Variants in CDH13 observed in about 807,000 individuals in gnomAD.
CDH13 encodes the protein cadherin-13.
Under a neutral mutation model 63.8 loss-of-function variants are expected in CDH13, and 24 were observed. The ratio of observed to expected loss-of-function variants is 0.38; its 90% CI spans 0.27 to 0.53. The LOEUF (loss-of-function observed/expected upper bound fraction) is 0.53. Among genes scored for constraint, CDH13 ranks in the 20% least tolerant of loss-of-function variants. The pLI is 0.85. For synonymous variants in CDH13, 503 were observed against 355.3 expected, an observed-to-expected ratio of 1.42 and a Z score of -4.67; for missense variants, 1,049 against 903.1, an observed-to-expected ratio of 1.16 and a Z score of -2.07.
chr16:83,582,154 T>C (rs1172782678), intron 7 of CDH13, among the ~76,000 whole-genome samples: 1 of 152,140 alleles, frequency 6.6e-6, no homozygotes, highest in Non-Finnish European at 1.5e-5. Context: ...GGTCCCAGGA[T>C]CCTTGGCTCT....
chr16:83,498,383 A>C (rs1351518669), intron 7 of CDH13, among the ~76,000 whole-genome samples: 5 of 152,226 alleles, frequency 3.3e-5, no homozygotes, highest in Non-Finnish European at 1.5e-5. Flanking sequence ...CCACCTGGAA[A>C]CAAAAAGACA....
At chr16:83,243,545 C>G (rs1301498324) in intron 5 of CDH13, among the ~76,000 whole-genome samples, 1 of 152,144 alleles carries the variant, frequency 6.6e-6, no homozygotes, top group Non-Finnish European at 1.5e-5. Context: ...GGTGGGGACA[C>G]AGCCAAATCA....
At chr16:82,885,366 T>A (rs576595638) in intron 2 of CDH13, among the ~76,000 whole-genome samples, 35 of 152,290 alleles carry the variant, frequency 2.3e-4, no homozygotes, top group South Asian at 1.5e-3. Context: ...CATGACAGCT[T>A]CATCCATCTA....
chr16:83,263,078 T>C (rs1907175950), intron 5 of CDH13, among the ~76,000 whole-genome samples: 1 of 152,218 alleles, frequency 6.6e-6, no homozygotes, highest in South Asian at 2.1e-4. Context: ...AATGAATACA[T>C]ATTAGCTATG....
chr16:82,762,952 G>A (rs1208075199), intron 1 of CDH13, among the ~76,000 whole-genome samples: 1 of 152,118 alleles, frequency 6.6e-6, no homozygotes, highest in African/African-American at 2.4e-5. Flanking sequence ...CTTTCCGGGA[G>A]GTACATGAAC....
intron 3 of CDH13, among the ~76,000 whole-genome samples, chr16:83,034,882 C>G (rs766685912): frequency 6.6e-6 from 1 of 152,102 alleles, no homozygotes; most frequent in Admixed American, 6.5e-5. Flanking sequence ...GGCTGTTTCT[C>G]GCTTGCTGCT....
chr16:83,747,155 A>C (rs1912658005), intron 10 of CDH13, among the ~76,000 whole-genome samples: 1 of 152,212 alleles, frequency 6.6e-6, no homozygotes, highest in South Asian at 2.1e-4. Context: ...AGCAGTGAAC[A>C]AATTTCTTGC....
intron 7 of CDH13, among the ~76,000 whole-genome samples, chr16:83,498,824 GCCATA>G (rs2074206630): frequency 6.6e-6 from 1 of 152,092 alleles, no homozygotes; most frequent in Admixed American, 6.5e-5. Context: ...TTCTCATCAG[GCCATA>G]GGCTTCAGTG....
intron 6 of CDH13, among the ~76,000 whole-genome samples, chr16:83,416,940 A>T (rs1221618929): frequency 2.6e-5 from 4 of 152,242 alleles, no homozygotes; most frequent in African/African-American, 9.6e-5. Context: ...AGTGCCCGGC[A>T]CATGTTAAGT....
intron 2 of CDH13, among the ~76,000 whole-genome samples, chr16:83,013,121 T>C (rs1022384701): frequency 6.6e-6 from 1 of 152,206 alleles, no homozygotes; most frequent in African/African-American, 2.4e-5. Flanking sequence ...AACAAACTTA[T>C]TTTGAAAAGG....
chr16:82,831,664 A>G (rs2038548535), intron 1 of CDH13, among the ~76,000 whole-genome samples: 1 of 152,222 alleles, frequency 6.6e-6, no homozygotes, highest in African/African-American at 2.4e-5. Flanking sequence ...CACTTATGAG[A>G]CAGAAGAGGT....
chr16:83,508,409 G>A (rs575622679), intron 7 of CDH13: 1 of 154,220 alleles, frequency 6.5e-6, no homozygotes, highest in East Asian at 1.9e-4. Context: ...ATAGAGCAGT[G>A]ACTGTTGATG....
At chr16:83,461,008 C>CACAT (rs907651244) in intron 6 of CDH13, among the ~76,000 whole-genome samples, 1 of 151,258 alleles carries the variant, frequency 6.6e-6, no homozygotes, top group African/African-American at 2.4e-5. Context: ...CACACACACA[C>CACAT]ACACACACAC....
chr16:82,809,381 G>A (rs752955835), intron 1 of CDH13, among the ~76,000 whole-genome samples: 5 of 151,960 alleles, frequency 3.3e-5, no homozygotes, highest in East Asian at 1.9e-4. Context: ...GCAGAAAGCC[G>A]GTGAGTTTCT....
At chr16:83,552,317 T>C (rs551413273) in intron 7 of CDH13, among the ~76,000 whole-genome samples, 1 of 152,310 alleles carries the variant, frequency 6.6e-6, no homozygotes, top group African/African-American at 2.4e-5. Flanking sequence ...GCTGCTTATG[T>C]CTAAAGCCAT....
chr16:82,856,383 AAAAAAAG>A (rs1227950618), intron 1 of CDH13, among the ~76,000 whole-genome samples: 21 of 123,508 alleles, frequency 1.7e-4, no homozygotes, highest in African/African-American at 2.8e-4. Flanking sequence ...TCAAAAAAAA[AAAAAAAG>A]AAAAGAAAAG....
chr16:83,589,329 TTCTCTC>T (rs959212441), intron 7 of CDH13, among the ~76,000 whole-genome samples: 3 of 120,078 alleles, frequency 2.5e-5, no homozygotes, highest in Non-Finnish European at 5.1e-5. Flanking sequence ...CCCTCCCTCT[TTCTCTC>T]TGTCTCCCTC....
intron 7 of CDH13, among the ~76,000 whole-genome samples, chr16:83,596,199 C>A (rs1471675385): frequency 6.6e-6 from 1 of 152,164 alleles, no homozygotes. Flanking sequence ...GACAGGGCAG[C>A]TGGACAAGTG....
rs1003932232 is a variant in CDH13 at position 83,678,524 on chromosome 16, C to A, written c.1538+63C>A. 43 of 1,590,874 alleles carry A rather than the reference C, an allele frequency of 2.7e-5. No homozygotes were observed. In the African/African-American group the frequency reaches 5.2e-4, roughly 19 times the overall value. On this transcript the variant is annotated intron_variant, in intron 10 of 13. Transcript: ENST00000567109. ...GCAGGAATGGCTTTTCCTTTCCAGT[C>A]GCAGAAGCTGGTTGTCAGGAGCAGA...
Sources: gnomAD v4.1 joint callset for allele counts (sites outside exome capture counted in the v4.1 genomes callset) on GRCh38, gnomAD v4.1.1 for gene constraint, MANE v1.5 for transcripts, NCBI Gene and HGNC (gene_info 2026-07-23, HGNC 2026-07-21) for gene names.